DOCK4: variants seen among roughly 807,000 people sequenced by gnomAD.
The protein encoded by DOCK4 is dedicator of cytokinesis protein 4.
DOCK4 carries 97 observed loss-of-function variants against 268.1 expected under a neutral mutation model. That is an observed-to-expected ratio of 0.36 (90% CI 0.31 to 0.43). The LOEUF is 0.43. DOCK4 is among the 20% of genes least tolerant of loss of function. The pLI is 1.00. For synonymous variants in DOCK4, 954 were observed against 887.2 expected (o/e 1.08, Z -1.34); for missense variants, 2,145 against 2,455.7 (o/e 0.87, Z 2.67).
intron 13 of DOCK4, among the ~76,000 whole-genome samples, chr7:111,907,874 G>A (rs553425103): frequency 4.6e-5 from 7 of 152,006 alleles, no homozygotes; most frequent in African/African-American, 7.2e-5. Flanking sequence ...GACTGCAGGC[G>A]CACGCCACCA....
chr7:112,094,473 G>C (rs746893382), intron 1 of DOCK4, among the ~76,000 whole-genome samples: 1 of 152,134 alleles, frequency 6.6e-6, no homozygotes, highest in Non-Finnish European at 1.5e-5. Flanking sequence ...AATTGGAAAA[G>C]AATACTTTTC....
intron 1 of DOCK4, among the ~76,000 whole-genome samples, chr7:112,175,389 C>T (rs1818420863): frequency 6.6e-6 from 1 of 152,044 alleles, no homozygotes; most frequent in Non-Finnish European, 1.5e-5. Flanking sequence ...AAATTTTTCC[C>T]TTATTTGCCC....
intron 27 of DOCK4, among the ~76,000 whole-genome samples, chr7:111,815,636 A>ATCCCC (rs1229653905): frequency 4.3e-5 from 2 of 46,204 alleles, no homozygotes; most frequent in African/African-American, 7.7e-5. Context: ...CCCCTCCCCC[A>ATCCCC]TCCCCTCCCC....
intron 1 of DOCK4, chr7:112,023,620 T>A (rs1802529777): frequency 2.2e-6 from 1 of 452,322 alleles, no homozygotes. Flanking sequence ...ATTGAAGGGC[T>A]TTTGTTTGTT....
chr7:112,029,950 G>A (rs891342421), intron 1 of DOCK4, among the ~76,000 whole-genome samples: 3 of 152,172 alleles, frequency 2.0e-5, no homozygotes, highest in Non-Finnish European at 4.4e-5. Context: ...CATTCCAAAT[G>A]TAACTTTCTG....
At chr7:111,956,653 C>T (rs1007462099) in intron 8 of DOCK4, among the ~76,000 whole-genome samples, 9 of 152,166 alleles carry the variant, frequency 5.9e-5, no homozygotes, top group Non-Finnish European at 8.8e-5. Flanking sequence ...GAGATGAATA[C>T]ATAATTGACT....
intron 27 of DOCK4, among the ~76,000 whole-genome samples, chr7:111,815,040 G>A (rs1790390477): frequency 6.6e-6 from 1 of 151,966 alleles, no homozygotes; most frequent in South Asian, 2.1e-4. Context: ...ATACATAAAC[G>A]CTGAGAAATC....
chr7:111,784,001 C>A lies in DOCK4; in HGVS notation c.3429-49G>T, dbSNP rs1798979171. 6 of 1,569,870 alleles carry A rather than the reference C, an allele frequency of 3.8e-6. No homozygotes were observed. The South Asian group carries it at 5.8e-5, about 15-fold the overall frequency. ...ATTTTCAACATTTATTTTTATCAGT[C>A]ACCATGACAACCACTTTACTTTCAT... On this transcript the variant is annotated intron_variant, in intron 33 of 52. Transcript: ENST00000428084.
chr7:111,940,095 G>A lies in DOCK4; in HGVS notation c.977+15C>T, dbSNP rs73428871. On this transcript the variant is annotated intron_variant, in intron 11 of 52. Transcript: ENST00000428084. ...CTGTGCCTACCCCAGCCATCACCAC[G>A]TGCATGTTTCTTACATGTATACTTT... 117 of 1,613,654 alleles carry A rather than the reference G, an allele frequency of 7.3e-5. No homozygotes were observed. The highest frequency in any genetic ancestry group is 1.6e-4 in the Middle Eastern group (1 of 6,082).
intron 1 of DOCK4, among the ~76,000 whole-genome samples, chr7:112,087,746 TC>T (rs1217849017): frequency 6.6e-6 from 1 of 152,052 alleles, no homozygotes; most frequent in East Asian, 1.9e-4. Flanking sequence ...TTCTCTCCAG[TC>T]CCACTCAGAA....
intron 16 of DOCK4, among the ~76,000 whole-genome samples, chr7:111,892,682 A>G (rs1051277074): frequency 2.0e-5 from 3 of 152,200 alleles, no homozygotes; most frequent in African/African-American, 7.2e-5. Flanking sequence ...CTTTTTAAAT[A>G]CTGAATTCAA....
intron 26 of DOCK4, among the ~76,000 whole-genome samples, chr7:111,823,349 G>A (rs749873814): frequency 6.6e-6 from 1 of 151,602 alleles, no homozygotes; most frequent in Non-Finnish European, 1.5e-5. Context: ...TGAGACCACA[G>A]GCGCCTGCCA....
chr7:111,927,312 G>A (rs1793799260), intron 12 of DOCK4, among the ~76,000 whole-genome samples: 1 of 152,214 alleles, frequency 6.6e-6, no homozygotes, highest in Admixed American at 6.5e-5. Context: ...TAGAGAAGTG[G>A]TTAGCTCATG....
chr7:112,058,749 G>C (rs1490956981), intron 1 of DOCK4, among the ~76,000 whole-genome samples: 1 of 152,132 alleles, frequency 6.6e-6, no homozygotes, highest in Non-Finnish European at 1.5e-5. Flanking sequence ...GAAAGAAAAA[G>C]GAAAAAGAAT....
At position 111,728,642 on chromosome 7, in the gene DOCK4, C is replaced by T; in HGVS notation, c.5560G>A (p.Gly1854Ser). 1 of 1,613,982 alleles carries T rather than the reference C, an allele frequency of 6.2e-7. No homozygotes were observed. The highest frequency in any genetic ancestry group is 8.5e-7 in the Non-Finnish European group (1 of 1,179,898). Residue 1854 changes from glycine (G) to serine (S), a missense_variant, in exon 53 of 53, where the codon GGC becomes AGC. Around this residue, in one of 2 missense-constraint regions of DOCK4, gnomAD observed 547 missense variants for 469.0 expected, o/e 1.17. Transcript: ENST00000428084. ...GLISNSPVLS[G>S]SYSSGISSLS... ...GAAGAAATCCCACTGCTGTAGCTGC[C>T]CGACAAGACAGGGGAGTTGGAGATG...
intron 41 of DOCK4, among the ~76,000 whole-genome samples, chr7:111,757,049 C>T (rs776348221): frequency 6.6e-5 from 10 of 151,828 alleles, no homozygotes; most frequent in Non-Finnish European, 1.5e-4. Flanking sequence ...GTGGGGGTAG[C>T]AGCGCTGGCA....
At chr7:112,070,829 C>T (rs772414881) in intron 1 of DOCK4, among the ~76,000 whole-genome samples, 61 of 152,310 alleles carry the variant, frequency 4.0e-4, no homozygotes, top group Admixed American at 1.4e-3. Flanking sequence ...TCTCCTCCTC[C>T]TCCTATTCCC....
chr7:111,964,685 G>T (rs879477458), intron 8 of DOCK4, among the ~76,000 whole-genome samples: 2 of 112,976 alleles, frequency 1.8e-5, no homozygotes, highest in African/African-American at 8.0e-5. Flanking sequence ...CCAACGTTCA[G>T]ATTCAGGAAA....
chr7:111,753,424 A>G (rs1444142382), intron 42 of DOCK4, among the ~76,000 whole-genome samples: 1 of 152,180 alleles, frequency 6.6e-6, no homozygotes, highest in African/African-American at 2.4e-5. Context: ...GCAGTGAGCC[A>G]TGATCATATC....
Sources: allele counts gnomAD v4.1 joint callset (sites outside exome capture counted in the v4.1 genomes callset), GRCh38; gene constraint gnomAD v4.1.1; regional missense constraint gnomAD v4.1.1; transcripts MANE v1.5; gene names NCBI Gene and HGNC (gene_info 2026-07-23, HGNC 2026-07-21).